MSANTD1: variants seen among roughly 807,000 people sequenced by gnomAD.
MSANTD1 encodes the protein Myb/SANT DNA binding domain containing 1.
A neutral mutation model predicts 24.2 loss-of-function variants in MSANTD1; 7 were observed. The observed-to-expected ratio is 0.29, with a 90% CI of 0.16 to 0.54. The LOEUF (loss-of-function observed/expected upper bound fraction) is 0.54. Among genes scored for constraint, MSANTD1 ranks in the 20% least tolerant of loss-of-function variants. The pLI is 0.94. For synonymous variants in MSANTD1, 177 were observed against 181.1 expected, an observed-to-expected ratio of 0.98 and a Z score of 0.18; for missense variants, 384 against 408.2, an observed-to-expected ratio of 0.94 and a Z score of 0.51.
rs570623053 is a variant in MSANTD1, at chr4:3,251,671, CTTTTCTTTTTTTTTTCT to C, written c.321-1520_321-1504del. On this transcript the variant is annotated intron_variant, in intron 1 of 2. Coordinates refer to ENST00000438480, the MANE Select transcript of MSANTD1 (RefSeq NM_001042690.2). ...ACCCGCAGTCTCCCCATAGCAGAGG[CTTTTCTTTTTTTTTTCT>C]TTTTCTTTTTTTTTTTTTTACAAGA... Among the ~76,000 whole-genome samples, 902 of 150,728 alleles carry C rather than the reference CTTTTCTTTTTTTTTTCT, an allele frequency of 6.0e-3. 8 individuals are homozygous for C. Among genetic ancestry groups the C allele is most frequent in the African/African-American group, 0.021 (857 of 40,872 alleles).
At chr4:3,252,732 C>G (rs1722263772) in intron 1 of MSANTD1, among the ~76,000 whole-genome samples, 1 of 152,138 alleles carries the variant, frequency 6.6e-6, no homozygotes, top group South Asian at 2.1e-4. Context: ...GCTGTCGCTC[C>G]CTGAGGCATT....
At chr4:3,249,587 G>A (rs530112781) in intron 1 of MSANTD1, 45 bp downstream of exon 1, 23 of 1,529,664 alleles carry the variant, frequency 1.5e-5, no homozygotes, top group South Asian at 7.2e-5. Flanking sequence ...GGGCGGGCCC[G>A]GGCGTGGCGG....
At chr4:3,254,048 C>T (rs1043723349) in intron 2 of MSANTD1, among the ~76,000 whole-genome samples, 1 of 152,234 alleles carries the variant, frequency 6.6e-6, no homozygotes, top group African/African-American at 2.4e-5. Context: ...GCAAGATGCT[C>T]ACAGGGCAGC....
intron 1 of MSANTD1, among the ~76,000 whole-genome samples, chr4:3,251,471 G>T (rs891175721): frequency 6.6e-6 from 1 of 152,082 alleles, no homozygotes; most frequent in Non-Finnish European, 1.5e-5. Context: ...TGCACTGCAC[G>T]TCATGGCTGA....
Position 3,256,268 on chromosome 4 carries a change from C to T in MSANTD1, c.*303C>T, listed in dbSNP as rs548527260. On this transcript the variant is annotated 3_prime_UTR_variant, in exon 3 of 3. Transcript: ENST00000438480. The stretch of plus-strand genomic sequence containing the variant: ...TCCAGTGTCGTTACTATCAATGATA[C>T]TTGACGTGGCTTTGATATTAAACGT... 90 of 260,948 alleles carry T rather than the reference C, an allele frequency of 3.4e-4. 1 individual carries two copies. In the South Asian group the frequency reaches 9.9e-3, roughly 29 times the overall value. 16.2% of individuals were successfully genotyped at this position (260,948 alleles called of 1,614,324 possible).
Position 3,249,418 on chromosome 4 carries a change from A to G in MSANTD1, c.196A>G (p.Lys66Glu), listed in dbSNP as rs1722144647. Residue 66 changes from lysine to glutamate, a missense_variant, in exon 1 of 3, where the codon AAG becomes GAG. Transcript: ENST00000438480. Reference sequence around the variant, plus strand: ...CTGGGAGGAGTTCTTCGACGAGCTCAAGCAGACCAAGCGCAACGCCAAGGT... The same window carrying G: ...CTGGGAGGAGTTCTTCGACGAGCTCGAGCAGACCAAGCGCAACGCCAAGGT... Reference protein sequence around the residue: ...LVWEEFFDELKQTKRNAKVYE... With the variant: ...LVWEEFFDELEQTKRNAKVYE... The G allele has an allele frequency of 1.9e-6, 3 of 1,606,668 alleles. No homozygotes were observed. The highest frequency in any genetic ancestry group is 1.7e-5 in the Admixed American group (1 of 59,030).
In MSANTD1 at chr4:3,252,505, T is replaced by C. The variant is rs146508996; in HGVS notation, c.321-702T>C. Among the ~76,000 whole-genome samples the C allele has an allele frequency of 1.2e-3, 186 of 152,350 alleles. 1 individual carries two copies. The highest frequency in any genetic ancestry group is 4.2e-3 in the African/African-American group (175 of 41,578). On this transcript the variant is annotated intron_variant, in intron 1 of 2. Coordinates refer to ENST00000438480, the MANE Select transcript of MSANTD1 (RefSeq NM_001042690.2). ...CTAGGCTCCTGCCCAGACTGTAGGT[T>C]CAACCAAGAATGGCATGGGAGCCCA...
At chr4:3,248,948 G>A (rs1037608324), upstream of MSANTD1, 4 of 352,678 alleles carry the variant, frequency 1.1e-5, no homozygotes, top group East Asian at 8.7e-5. Flanking sequence ...CCTGGGCGGC[G>A]GTGAGAGGCA....
intron 1 of MSANTD1, 142 bp downstream of exon 1, chr4:3,249,684 A>G (rs1056298276): frequency 1.2e-6 from 1 of 807,098 alleles, no homozygotes; most frequent in Non-Finnish European, 2.0e-6. Flanking sequence ...GGGTATGGGC[A>G]GAACCCCACG....
chr4:3,246,324 T>A (rs999017224), upstream of MSANTD1, among the ~76,000 whole-genome samples: 1 of 152,114 alleles, frequency 6.6e-6, no homozygotes, highest in Non-Finnish European at 1.5e-5. Flanking sequence ...GACGCCCACC[T>A]CCTCTCTGGG....
intron 1 of MSANTD1, among the ~76,000 whole-genome samples, chr4:3,252,688 T>C (rs950421208): frequency 6.6e-6 from 1 of 152,240 alleles, no homozygotes; most frequent in Admixed American, 6.5e-5. Context: ...GACTCAGGGC[T>C]GTGGACACTG....
chr4:3,246,633 C>T (rs748610980), upstream of MSANTD1: 10 of 696,118 alleles, frequency 1.4e-5, no homozygotes, highest in African/African-American at 3.5e-5. Flanking sequence ...GACCCCGTAG[C>T]GACTGAGGGT....
chr4:3,253,971 G>A (rs1384060429), intron 2 of MSANTD1, among the ~76,000 whole-genome samples: 2 of 152,176 alleles, frequency 1.3e-5, no homozygotes, highest in Non-Finnish European at 2.9e-5. Flanking sequence ...CCGTGGGCAT[G>A]ACCCGTCCCC....
chr4:3,246,561 C>T (rs529630715), upstream of MSANTD1: 11 of 623,486 alleles, frequency 1.8e-5, no homozygotes, highest in East Asian at 1.2e-4. Flanking sequence ...CAGCTCCTGC[C>T]GAGGCCTGAC....
At chr4:3,251,916 C>T (rs987490865) in intron 1 of MSANTD1, among the ~76,000 whole-genome samples, 1 of 152,178 alleles carries the variant, frequency 6.6e-6, no homozygotes, top group Non-Finnish European at 1.5e-5. Context: ...CAGCGCCTGC[C>T]CTCACACGCT....
At chr4:3,255,325 G>A (rs936400143) in intron 2 of MSANTD1, among the ~76,000 whole-genome samples, 4 of 151,516 alleles carry the variant, frequency 2.6e-5, no homozygotes, top group Non-Finnish European at 4.4e-5. Flanking sequence ...GTGGGTTCAA[G>A]CGATTCTCCT....
Position 3,255,977 on chromosome 4 carries a change from G to A in MSANTD1, c.*12G>A. On this transcript the variant is annotated 3_prime_UTR_variant, in exon 3 of 3. Transcript: ENST00000438480. ...AGTCCAGCGTCTAGGCCAGCAGGCG[G>A]CGGCGGCGGCGGGGCCGGGCGGCTG... is the stretch of plus-strand genomic sequence containing the variant. The A allele has an allele frequency of 6.7e-7, 1 of 1,498,580 alleles. No homozygotes were observed. 92.8% of individuals were successfully genotyped at this position (1,498,580 alleles called of 1,614,324 possible). A position where few individuals can be genotyped will look rare whatever the true frequency, so the allele number is the denominator to read the frequency against.
intron 1 of MSANTD1, 38 bp downstream of exon 1, chr4:3,249,580 C>A: frequency 6.4e-7 from 1 of 1,559,184 alleles, no homozygotes; most frequent in Non-Finnish European, 8.7e-7. Context: ...CCAGGACGGG[C>A]GGGCCCGGGC....
chr4:3,250,662 G>A (rs1172861781), intron 1 of MSANTD1, among the ~76,000 whole-genome samples: 1 of 152,210 alleles, frequency 6.6e-6, no homozygotes, highest in Non-Finnish European at 1.5e-5. Context: ...TGGGCGGCCT[G>A]GACAGGGCTG....
Sources: gnomAD v4.1 joint callset for allele counts (sites outside exome capture counted in the v4.1 genomes callset) on GRCh38, gnomAD v4.1.1 for gene constraint, MANE v1.5 for transcripts, NCBI Gene and HGNC (gene_info 2026-07-23, HGNC 2026-07-21) for gene names.